Variants in ESRP1 observed in about 807,000 individuals in gnomAD.
ESRP1 encodes RNA-binding motif protein 35A.
Under a neutral mutation model 81.7 loss-of-function variants are expected in ESRP1, and 33 were observed. The ratio of observed to expected loss-of-function variants is 0.40; its 90% CI spans 0.31 to 0.54. The LOEUF is 0.54. Among genes scored for constraint, ESRP1 ranks in the 20% least tolerant of loss-of-function variants. The pLI is 0.41. For missense variants in ESRP1, 672 were observed against 833.1 expected (o/e 0.81, Z 2.38); for synonymous variants, 320 against 303.3 (o/e 1.06, Z -0.57).
intron 13 of ESRP1, chr8:94,688,293 A>T (rs533288594): frequency 5.8e-6 from 1 of 172,256 alleles, no homozygotes; most frequent in African/African-American, 2.4e-5. Flanking sequence ...ACAAGAGGCA[A>T]ACATCAGGTT....
At chr8:94,699,486 AAT>A (rs969022834) in intron 15 of ESRP1, among the ~76,000 whole-genome samples, 2 of 151,984 alleles carry the variant, frequency 1.3e-5, no homozygotes, top group Non-Finnish European at 2.9e-5. Flanking sequence ...TACGAAAAAA[AAT>A]ACAGAAAATT....
chr8:94,655,065 T>TTTGTGTGTG (rs545869490), intron 4 of ESRP1, among the ~76,000 whole-genome samples: 1 of 147,528 alleles, frequency 6.8e-6, no homozygotes, highest in African/African-American at 2.5e-5. Flanking sequence ...TTTGGGTTTT[T>TTTGTGTGTG]TGTGTGTGTG....
At chr8:94,671,192 C>T (rs978889505) in intron 10 of ESRP1, among the ~76,000 whole-genome samples, 4 of 152,186 alleles carry the variant, frequency 2.6e-5, no homozygotes, top group Non-Finnish European at 5.9e-5. Context: ...GTGTGGTGTA[C>T]ACCTCACAGT....
At chr8:94,679,542 C>T (rs924705288) in intron 13 of ESRP1, among the ~76,000 whole-genome samples, 1 of 152,150 alleles carries the variant, frequency 6.6e-6, no homozygotes, top group Admixed American at 6.6e-5. Flanking sequence ...AGTAGTGGTA[C>T]AGGAAGGAGT....
chr8:94,670,411 T>C (rs759258585), intron 10 of ESRP1, among the ~76,000 whole-genome samples: 3 of 152,232 alleles, frequency 2.0e-5, no homozygotes, highest in African/African-American at 4.8e-5. Flanking sequence ...TTCTTGTCTC[T>C]TTTTCATGCC....
At chr8:94,645,315 G>T (rs928218784) in intron 3 of ESRP1, among the ~76,000 whole-genome samples, 14 of 151,898 alleles carry the variant, frequency 9.2e-5, no homozygotes, top group African/African-American at 3.4e-4. Context: ...ATGTAAAAAT[G>T]GGTAAAAATT....
intron 4 of ESRP1, 163 bp downstream of exon 4, chr8:94,646,445 C>T: frequency 1.9e-6 from 1 of 518,186 alleles, no homozygotes; most frequent in South Asian, 2.6e-5. Flanking sequence ...TTATAGACAT[C>T]TTTGAAAGTG....
chr8:94,665,570 C>A (rs6471456), intron 9 of ESRP1, among the ~76,000 whole-genome samples: 1 of 151,934 alleles, frequency 6.6e-6, no homozygotes, highest in African/African-American at 2.4e-5. Flanking sequence ...CAGCTCGTTG[C>A]GACCTCTGCC....
chr8:94,671,617 G>A lies in ESRP1; in HGVS notation c.1398G>A (p.Gly466=). The change falls in exon 11 of 16, where the codon GGG becomes GGA. Residue 466 remains glycine, a synonymous_variant. Transcript: ENST00000433389. ...ATIEDILDFL[G]EFATDIRTHG... is the part of the protein sequence containing the mutation. ...TTGAGGACATCCTGGATTTCCTGGG[G>A]GAGTTCGCCACAGATATTCGTACTC... 6.2e-7 allele frequency: 1 copy of A among 1,613,804 alleles called. No individual in the cohort carries two copies.
At chr8:94,652,630 T>C (rs7840357) in intron 4 of ESRP1, among the ~76,000 whole-genome samples, 102,067 of 152,020 alleles carry the variant, frequency 0.67, 34,666 homozygotes, top group East Asian at 0.96. Flanking sequence ...TACTTCCTGA[T>C]TTCTTAACCT....
chr8:94,671,098 G>C (rs1819297924), intron 10 of ESRP1, among the ~76,000 whole-genome samples: 1 of 152,194 alleles, frequency 6.6e-6, no homozygotes, highest in Non-Finnish European at 1.5e-5. Context: ...TTGTATAAAA[G>C]TGGCAGCTTT....
At chr8:94,693,897 G>T (rs1052776610) in intron 14 of ESRP1, among the ~76,000 whole-genome samples, 1 of 152,152 alleles carries the variant, frequency 6.6e-6, no homozygotes, top group Non-Finnish European at 1.5e-5. Flanking sequence ...TTAAACATAT[G>T]AAGGACACTT....
Position 94,641,357 on chromosome 8 carries a change from G to T in ESRP1, c.39G>T (p.Gly13=). ...ASPDYLVVLF[G]ITAGATGAKL... ...CGGATTACTTGGTGGTGCTTTTTGG[G>T]ATCACTGCTGGGGCCACCGGGGCCA... The change falls in exon 1 of 16, where the codon GGG becomes GGT. Residue 13 remains glycine, a synonymous_variant. Transcript: ENST00000433389. 6.2e-7 allele frequency: 1 copy of T among 1,613,926 alleles called. No homozygotes were observed. Among genetic ancestry groups the T allele is most frequent in the East Asian group, 2.2e-5 (1 of 44,870 alleles).
chr8:94,698,061 G>A (rs556425219), intron 15 of ESRP1, among the ~76,000 whole-genome samples: 4 of 152,280 alleles, frequency 2.6e-5, no homozygotes, highest in East Asian at 3.9e-4. Context: ...GATTATAGGC[G>A]TGAGCCACCG....
chr8:94,705,448 A>G (rs1346281564), intron 15 of ESRP1, among the ~76,000 whole-genome samples: 2 of 152,158 alleles, frequency 1.3e-5, no homozygotes, highest in African/African-American at 4.8e-5. Context: ...GATTACAGGC[A>G]TGAGCCACCA....
At position 94,696,978 on chromosome 8, in the gene ESRP1, T is replaced by C; in HGVS notation, c.*35+17T>C. On this transcript the variant is annotated intron_variant, in intron 15 of 15. Transcript: ENST00000433389. ...GAAAAGAAGGTAAGGCTTTATGATG[T>C]GCAAGTTAAATTATAAAGGGCCAAA... 1 of 1,508,002 alleles carries C rather than the reference T, an allele frequency of 6.6e-7. No individual in the cohort carries two copies. 93.4% of individuals were successfully genotyped at this position (1,508,002 alleles called of 1,614,324 possible). A position where few individuals can be genotyped will look rare whatever the true frequency, so the allele number is the denominator to read the frequency against.
rs60316449 is a variant in ESRP1 at position 94,660,709 on chromosome 8, C to CAAA, written c.491-1531_491-1529dup. 1.8e-3 allele frequency among the ~76,000 whole-genome samples: 80 copies of CAAA among 43,542 alleles called. 2 individuals carry two copies. The highest frequency in any genetic ancestry group is 4.9e-3 in the African/African-American group (46 of 9,382). The allele number at this position is 43,542 out of a possible 152,430, so 28.6% of individuals were successfully genotyped here. ...CCTGGGCAACAGAGCGAGACTATCT[C>CAAA]AAAAAAAAAAAAAAAAAAAAAAAAA... On this transcript the variant is annotated intron_variant, in intron 4 of 15. Transcript: ENST00000433389.
intron 3 of ESRP1, among the ~76,000 whole-genome samples, chr8:94,643,815 G>C (rs1817724970): frequency 6.6e-6 from 1 of 152,102 alleles, no homozygotes; most frequent in Non-Finnish European, 1.5e-5. Flanking sequence ...TACAAAGAGA[G>C]GAAAGAACTA....
At chr8:94,671,346 G>A (rs905065828) in intron 10 of ESRP1, 107 bp from the exon 11 acceptor site, 12 of 826,834 alleles carry the variant, frequency 1.5e-5, no homozygotes, top group Admixed American at 8.7e-5. Context: ...TCTGGGGTGA[G>A]CTGGATTCTG....
Sources: allele counts gnomAD v4.1 joint callset (sites outside exome capture counted in the v4.1 genomes callset), GRCh38; gene constraint gnomAD v4.1.1; transcripts MANE v1.5; gene names NCBI Gene and HGNC (gene_info 2026-07-23, HGNC 2026-07-21).